The following CMPK1 variants were observed in gnomAD, a reference collection of about 807,000 sequenced individuals.
CMPK1 encodes the protein UMP-CMP kinase.
A neutral mutation model predicts 25.7 loss-of-function variants in CMPK1; 10 were observed. The ratio of observed to expected loss-of-function variants is 0.39; its 90% confidence interval spans 0.24 to 0.66. The LOEUF (loss-of-function observed/expected upper bound fraction) is 0.66. CMPK1 is among the 30% of genes least tolerant of loss of function. The probability of loss-of-function intolerance (pLI) is 0.48; values close to 1 mark genes in which losing one functional copy is unlikely to be tolerated. For synonymous variants in CMPK1, 106 were observed against 101.5 expected, an observed-to-expected ratio of 1.04 and a Z score of -0.27; for missense variants, 199 against 280.5, an observed-to-expected ratio of 0.71 and a Z score of 2.08.
chr1:47,358,483 G>A (rs1646578772), intron 1 of CMPK1: 4 of 1,157,702 alleles, frequency 3.5e-6, no homozygotes, highest in Admixed American at 4.0e-5. Context: ...TTTTGCTGTG[G>A]CTGTTAGTAT....
At chr1:47,353,062 T>C (rs1018564889) in intron 1 of CMPK1, among the ~76,000 whole-genome samples, 1 of 152,178 alleles carries the variant, frequency 6.6e-6, no homozygotes, top group African/African-American at 2.4e-5. Flanking sequence ...GTGATTGATG[T>C]TTTTCTAAAA....
intron 1 of CMPK1, among the ~76,000 whole-genome samples, chr1:47,334,529 G>C (rs1646381853): frequency 6.6e-6 from 1 of 152,224 alleles, no homozygotes. Context: ...TGCGCCCACA[G>C]TTGTCTGAAG....
chr1:47,357,214 C>G (rs150517952), intron 1 of CMPK1, among the ~76,000 whole-genome samples: 41 of 151,638 alleles, frequency 2.7e-4, no homozygotes, highest in African/African-American at 9.4e-4. Flanking sequence ...CTGCCTGCCT[C>G]GGCCTCCCAA....
rs889862267 is a variant in CMPK1 at position 47,334,177 on chromosome 1, C to G, written c.171+61C>G. On this transcript the variant is annotated intron_variant, in intron 1 of 5. Transcript: ENST00000371873. ...TGACGGGATGCGGGCCGGCCTGTCC[C>G]GCCGCCCCTAGTCCGCGCCCCGCGG... The G allele has an allele frequency of 7.5e-4, 977 of 1,311,026 alleles. 3 individuals are homozygous for G. The highest frequency in any genetic ancestry group is 7.5e-4 in the Non-Finnish European group (766 of 1,019,360). The allele number at this position is 1,311,026 out of a possible 1,614,324, so 81.2% of individuals were successfully genotyped here.
rs558658522 is a variant in CMPK1 at position 47,337,674 on chromosome 1, G to A, written c.171+3558G>A. Among the ~76,000 whole-genome samples, 6 of 151,748 alleles carry A rather than the reference G, an allele frequency of 4.0e-5. No homozygotes were observed. The South Asian group carries it at 1.2e-3, about 32-fold the overall frequency. On this transcript the variant is annotated intron_variant, in intron 1 of 5. Coordinates refer to ENST00000371873, the MANE Select transcript of CMPK1 (RefSeq NM_016308.3). Reference sequence around the variant, plus strand: ...TGTCGGCCAGGCTGGTGTGCAGTGGGGCAATCTTGGCTCGCTGCAGCCTCC... The same window carrying A: ...TGTCGGCCAGGCTGGTGTGCAGTGGAGCAATCTTGGCTCGCTGCAGCCTCC...
At chr1:47,334,223 C>G in intron 1 of CMPK1, 107 bp downstream of exon 1, 3 of 1,058,214 alleles carry the variant, frequency 2.8e-6, no homozygotes, top group Non-Finnish European at 3.6e-6. Context: ...CCGCAGACTA[C>G]GAGTCCCGGC....
Position 47,373,084 on chromosome 1 carries a change from C to G in CMPK1, c.448C>G (p.Leu150Val). Reference sequence around the variant, plus strand: ...TGGGAAGGCAGATGTATCTTTCGTTCTCTTTTTTGACTGTAATAATGAGGT... The same window carrying G: ...TGGGAAGGCAGATGTATCTTTCGTTGTCTTTTTTGACTGTAATAATGAGGT... ...MDGKADVSFV[L>V]FFDCNNEICI... The change falls in exon 3 of 6, where the codon CTC becomes GTC. Residue 150 changes from leucine to valine, a missense_variant. By Grantham distance (32) the Leu-to-Val change is conservative. Coordinates refer to ENST00000371873, the MANE Select transcript of CMPK1 (RefSeq NM_016308.3). 6.2e-7 allele frequency: 1 copy of G among 1,607,806 alleles called. No individual in the cohort carries two copies. Among genetic ancestry groups the G allele is most frequent in the Non-Finnish European group, 8.5e-7 (1 of 1,176,624 alleles).
At chr1:47,335,315 CAT>C (rs1298167768) in intron 1 of CMPK1, among the ~76,000 whole-genome samples, 1 of 152,116 alleles carries the variant, frequency 6.6e-6, no homozygotes, top group South Asian at 2.1e-4. Flanking sequence ...TTCAACAAGT[CAT>C]TATGTGTTGG....
At chr1:47,334,174 T>C in intron 1 of CMPK1, 58 bp downstream of exon 1, 2 of 1,320,572 alleles carry the variant, frequency 1.5e-6, no homozygotes, top group African/African-American at 1.5e-5. Flanking sequence ...GGCCGGCCTG[T>C]CCCGCCGCCC....
At chr1:47,372,782 A>C (rs1170725519) in intron 2 of CMPK1, among the ~76,000 whole-genome samples, 173 bp from the exon 3 acceptor site, 1 of 148,012 alleles carries the variant, frequency 6.8e-6, no homozygotes, top group Non-Finnish European at 1.5e-5. Context: ...ATTTCCTTCT[A>C]GTCTTTTTTC....
intron 1 of CMPK1, among the ~76,000 whole-genome samples, chr1:47,347,291 C>T (rs1376667428): frequency 6.6e-6 from 1 of 151,922 alleles, no homozygotes; most frequent in African/African-American, 2.4e-5. Context: ...CTCATTGCAG[C>T]CTCCAACTCC....
At chr1:47,336,856 CT>C (rs1646402768) in intron 1 of CMPK1, among the ~76,000 whole-genome samples, 1 of 152,200 alleles carries the variant, frequency 6.6e-6, no homozygotes, top group Admixed American at 6.6e-5. Context: ...TAGTATTTTT[CT>C]TTTAAATTAC....
At chr1:47,345,474 A>G (rs949317387) in intron 1 of CMPK1, among the ~76,000 whole-genome samples, 2 of 151,920 alleles carry the variant, frequency 1.3e-5, no homozygotes, top group African/African-American at 2.4e-5. Flanking sequence ...AAATTAGGAG[A>G]AAAAAAGTAG....
At chr1:47,343,546 C>G (rs2149325856) in intron 1 of CMPK1, among the ~76,000 whole-genome samples, 1 of 150,308 alleles carries the variant, frequency 6.7e-6, no homozygotes, top group Non-Finnish European at 1.5e-5. Context: ...CAAAACTTCC[C>G]TGTACTTGTC....
intron 1 of CMPK1, among the ~76,000 whole-genome samples, chr1:47,337,334 A>G (rs1168337104): frequency 6.6e-6 from 1 of 152,170 alleles, no homozygotes; most frequent in Non-Finnish European, 1.5e-5. Context: ...TAATCTACAC[A>G]TTCTGCAATT....
At chr1:47,372,633 T>C (rs1162556130) in intron 2 of CMPK1, among the ~76,000 whole-genome samples, 4 of 152,148 alleles carry the variant, frequency 2.6e-5, no homozygotes, top group Non-Finnish European at 5.9e-5. Flanking sequence ...TGAATGTGTA[T>C]GTGAAAGTAA....
intron 1 of CMPK1, among the ~76,000 whole-genome samples, chr1:47,337,269 C>G (rs558253650): frequency 6.6e-6 from 1 of 151,770 alleles, no homozygotes; most frequent in African/African-American, 2.4e-5. Context: ...GGTGACATAG[C>G]GAGATTCCAT....
At chr1:47,359,127 G>T (rs939030042) in intron 1 of CMPK1, among the ~76,000 whole-genome samples, 2 of 151,988 alleles carry the variant, frequency 1.3e-5, no homozygotes, top group Non-Finnish European at 2.9e-5. Flanking sequence ...GACCATCCTG[G>T]CTAACATGGT....
At chr1:47,373,184 T>A (rs1646688076) in intron 3 of CMPK1, 77 bp downstream of exon 3, 6 of 1,335,046 alleles carry the variant, frequency 4.5e-6, no homozygotes, top group African/African-American at 4.5e-5. Context: ...AAGGATTTTT[T>A]AACTTATATT....
Sources: allele counts gnomAD v4.1 joint callset (sites outside exome capture counted in the v4.1 genomes callset), GRCh38; gene constraint gnomAD v4.1.1; transcripts MANE v1.5; gene names NCBI Gene and HGNC (gene_info 2026-07-23, HGNC 2026-07-21).